Variants in ARMC9 observed in about 807,000 individuals in gnomAD.
ARMC9 encodes the protein lisH domain-containing protein ARMC9.
In ARMC9, 94 loss-of-function variants were observed where a neutral mutation model predicts 107.0. The observed-to-expected ratio is 0.88, with a 90% confidence interval of 0.74 to 1.04. The LOEUF (loss-of-function observed/expected upper bound fraction) is 1.04. ARMC9 is among the 50% of genes least tolerant of loss of function. The probability of loss-of-function intolerance (pLI) is 0.00; values close to 1 mark genes in which losing one functional copy is unlikely to be tolerated. For synonymous variants in ARMC9, 380 were observed against 396.9 expected (o/e 0.96, Z 0.51); for missense variants, 942 against 1,030.1 (o/e 0.91, Z 1.17).
chr2:231,347,508 G>A (rs1327373076), intron 21 of ARMC9, among the ~76,000 whole-genome samples: 1 of 151,970 alleles, frequency 6.6e-6, no homozygotes, highest in Non-Finnish European at 1.5e-5. Flanking sequence ...TTGTAGTTCT[G>A]TCCTTTGCAT....
chr2:231,273,422 T>C (rs988560989), intron 14 of ARMC9, among the ~76,000 whole-genome samples: 2 of 152,180 alleles, frequency 1.3e-5, no homozygotes, highest in Non-Finnish European at 2.9e-5. Context: ...TCCAGTCCCC[T>C]GTGGGAGCTG....
intron 21 of ARMC9, among the ~76,000 whole-genome samples, chr2:231,348,333 A>C (rs2044894342): frequency 2.0e-5 from 3 of 152,222 alleles, no homozygotes. Flanking sequence ...AAACTGGAAA[A>C]GGCAAGGAAA....
At chr2:231,306,215 A>T (rs1055875728) in intron 19 of ARMC9, among the ~76,000 whole-genome samples, 1 of 152,116 alleles carries the variant, frequency 6.6e-6, no homozygotes, top group African/African-American at 2.4e-5. Context: ...TCTTGCCACT[A>T]GTTGGGATTT....
At chr2:231,322,081 G>T (rs1417587578) in intron 19 of ARMC9, among the ~76,000 whole-genome samples, 1 of 152,244 alleles carries the variant, frequency 6.6e-6, no homozygotes. Flanking sequence ...TAATGAACTG[G>T]TCTGGTTGTG....
intron 15 of ARMC9, among the ~76,000 whole-genome samples, chr2:231,277,171 A>G (rs78786239): frequency 0.016 from 2,376 of 152,284 alleles, 29 homozygotes; most frequent in Non-Finnish European, 0.025. Flanking sequence ...GCCCTGAATC[A>G]CACTCTTTTC....
At chr2:231,213,850 G>A (rs942100703) in intron 3 of ARMC9, among the ~76,000 whole-genome samples, 5 of 152,124 alleles carry the variant, frequency 3.3e-5, no homozygotes, top group South Asian at 2.1e-4. Context: ...GGGGAAGTGG[G>A]GATTCTGTAG....
intron 17 of ARMC9, among the ~76,000 whole-genome samples, chr2:231,289,421 C>T (rs980002033): frequency 4.6e-5 from 7 of 152,148 alleles, no homozygotes; most frequent in South Asian, 2.1e-4. Flanking sequence ...GATCAGAGAT[C>T]GTGCCACTGC....
At chr2:231,347,421 T>C (rs1223439351) in intron 21 of ARMC9, among the ~76,000 whole-genome samples, 1 of 151,354 alleles carries the variant, frequency 6.6e-6, no homozygotes, top group Admixed American at 6.6e-5. Context: ...AAAGAGGTGG[T>C]CAATGGAATG....
chr2:231,256,959 G>A (rs1290939265), intron 10 of ARMC9, among the ~76,000 whole-genome samples: 2 of 152,138 alleles, frequency 1.3e-5, no homozygotes, highest in Non-Finnish European at 2.9e-5. Context: ...CCGATTACAG[G>A]CATACGCCAC....
chr2:231,326,470 A>G (rs916879857), intron 19 of ARMC9, among the ~76,000 whole-genome samples: 2 of 152,184 alleles, frequency 1.3e-5, no homozygotes, highest in African/African-American at 4.8e-5. Context: ...AAGGCTCTGG[A>G]TTGATCTGGG....
chr2:231,269,529 G>A (rs775618788), intron 12 of ARMC9, among the ~76,000 whole-genome samples: 3 of 151,158 alleles, frequency 2.0e-5, no homozygotes, highest in Non-Finnish European at 4.4e-5. Context: ...GGGATTACAG[G>A]TGTGTGCCAC....
chr2:231,295,373 C>T (rs1172270548), intron 18 of ARMC9: 4 of 152,320 alleles, frequency 2.6e-5, no homozygotes, highest in Middle Eastern at 3.2e-3. Flanking sequence ...CTAGATAAAA[C>T]GCTGAGTGTG....
At chr2:231,323,586 C>T (rs769801123) in intron 19 of ARMC9, among the ~76,000 whole-genome samples, 11 of 152,172 alleles carry the variant, frequency 7.2e-5, no homozygotes, top group African/African-American at 1.2e-4. Context: ...GTTCCCTTTT[C>T]GCCGGTTTCA....
At chr2:231,352,341 G>T (rs1205469590) in intron 21 of ARMC9, among the ~76,000 whole-genome samples, 1 of 151,252 alleles carries the variant, frequency 6.6e-6, no homozygotes, top group Admixed American at 6.6e-5. Context: ...CGCCCAGGCT[G>T]GAGTGCAATG....
At chr2:231,243,339 G>A (rs780695020) in intron 9 of ARMC9, among the ~76,000 whole-genome samples, 2 of 152,098 alleles carry the variant, frequency 1.3e-5, no homozygotes, top group African/African-American at 4.8e-5. Context: ...CTTGAGCCCA[G>A]GAGGTTGAGG....
intron 15 of ARMC9, among the ~76,000 whole-genome samples, chr2:231,277,075 C>T (rs2039825121): frequency 6.6e-6 from 1 of 152,098 alleles, no homozygotes; most frequent in Non-Finnish European, 1.5e-5. Flanking sequence ...AATATGATCC[C>T]CTTTTCTGAA....
intron 10 of ARMC9, among the ~76,000 whole-genome samples, chr2:231,258,482 C>T (rs1482681822): frequency 6.6e-6 from 1 of 151,988 alleles, no homozygotes; most frequent in Non-Finnish European, 1.5e-5. Flanking sequence ...CGCCCGGCCC[C>T]CGACTGCTTA....
At position 231,276,735 on chromosome 2, in the gene ARMC9, C is replaced by T; in HGVS notation, c.1434C>T (p.Tyr478=). 5 of 1,614,160 alleles carry T rather than the reference C, an allele frequency of 3.1e-6. No individual in the cohort carries two copies. The South Asian group carries it at 4.4e-5, about 14-fold the overall frequency. Residue 478 remains tyrosine (Y), a synonymous_variant, in exon 15 of 25, where the codon TAC becomes TAT. Coordinates refer to ENST00000611582, the MANE Select transcript of ARMC9 (RefSeq NM_001352754.2). The part of the protein sequence containing the change: ...PDCLSDYTLE[Y]SVALLMNLCL... ...GCCTGTCTGACTACACGCTGGAGTA[C>T]TCGGTGGCTTTGCTCATGAACCTCT...
At chr2:231,353,702 C>G (rs2045202900) in intron 21 of ARMC9, among the ~76,000 whole-genome samples, 1 of 151,740 alleles carries the variant, frequency 6.6e-6, no homozygotes, top group African/African-American at 2.4e-5. Context: ...AACAGTGTTC[C>G]CTGCCACCGG....
Sources: gnomAD v4.1 joint callset for allele counts (sites outside exome capture counted in the v4.1 genomes callset) on GRCh38, gnomAD v4.1.1 for gene constraint, MANE v1.5 for transcripts, NCBI Gene and HGNC (gene_info 2026-07-23, HGNC 2026-07-21) for gene names.